RAI1: variants seen among roughly 807,000 people sequenced by gnomAD.
RAI1 encodes retinoic acid induced 1.
Under a neutral mutation model 123.8 loss-of-function variants are expected in RAI1, and 9 were observed. That is an observed-to-expected ratio of 0.07 (90% CI 0.04 to 0.13). The LOEUF is 0.13. Among genes scored for constraint, RAI1 ranks in the 10% least tolerant of loss-of-function variants. The pLI is 1.00. For missense variants in RAI1, 2,256 were observed against 2,545.8 expected (o/e 0.89, Z 2.45); for synonymous variants, 1,231 against 1,127.3 (o/e 1.09, Z -1.84).
chr17:17,749,379 C>T (rs1032309878), intron 2 of RAI1, among the ~76,000 whole-genome samples: 8 of 152,272 alleles, frequency 5.3e-5, no homozygotes, highest in African/African-American at 9.6e-5. Flanking sequence ...GCATCCTCCA[C>T]GCACTGCCTA....
At chr17:17,704,353 G>C (rs1000151503) in intron 1 of RAI1, among the ~76,000 whole-genome samples, 10 of 152,230 alleles carry the variant, frequency 6.6e-5, no homozygotes, top group African/African-American at 1.2e-4. Context: ...ATCATCTCCA[G>C]GGGTTCTAGC....
chr17:17,800,628 G>C lies in RAI1; in HGVS notation c.5565+2115G>C. On this transcript the variant is annotated intron_variant, in intron 3 of 5. Transcript: ENST00000353383. The surrounding 1 kb of genome is among the most constrained non-coding windows in gnomAD (Gnocchi z 4.7). The stretch of plus-strand genomic sequence containing the variant: ...GCTTCCCTACACCACGCGGGGGCTG[G>C]AACTTGCCAGCCCAGCCCATGCCTG... Among the ~76,000 whole-genome samples the C allele has an allele frequency of 6.6e-6, 1 of 152,228 alleles. No individual in the cohort carries two copies. Among genetic ancestry groups the C allele is most frequent in the South Asian group, 2.1e-4 (1 of 4,834 alleles).
At chr17:17,755,500 C>T (rs1340247936) in intron 2 of RAI1, among the ~76,000 whole-genome samples, 1 of 152,114 alleles carries the variant, frequency 6.6e-6, no homozygotes, top group Non-Finnish European at 1.5e-5. Context: ...GGGCAGGGGG[C>T]CTGGACATTG....
At chr17:17,689,531 T>C (rs548491443) in intron 1 of RAI1, among the ~76,000 whole-genome samples, 4 of 152,298 alleles carry the variant, frequency 2.6e-5, no homozygotes, top group African/African-American at 9.6e-5. Context: ...CCACAAACTC[T>C]CATTCATTCG....
At chr17:17,710,861 A>G (rs1406237408) in intron 1 of RAI1, among the ~76,000 whole-genome samples, 1 of 152,204 alleles carries the variant, frequency 6.6e-6, no homozygotes, top group East Asian at 1.9e-4. Flanking sequence ...CCAAGGTCAC[A>G]CAGCAAGTTC....
intron 2 of RAI1, among the ~76,000 whole-genome samples, chr17:17,747,790 C>T (rs1363881270): frequency 6.6e-6 from 1 of 152,138 alleles, no homozygotes; most frequent in Non-Finnish European, 1.5e-5. Context: ...TCTGGCTGGG[C>T]ACAGTGGTGC....
At chr17:17,792,830 C>A in intron 2 of RAI1, 103 bp from the exon 3 acceptor site, 1 of 981,054 alleles carries the variant, frequency 1.0e-6, no homozygotes. Flanking sequence ...CTTTCTGAGG[C>A]AAAAGGAAGT....
chr17:17,774,371 T>G (rs2031264192), intron 2 of RAI1, among the ~76,000 whole-genome samples: 1 of 152,256 alleles, frequency 6.6e-6, no homozygotes, highest in African/African-American at 2.4e-5. Context: ...GAGGCCCTGG[T>G]CTGGAAAAAG....
intron 2 of RAI1, among the ~76,000 whole-genome samples, chr17:17,784,652 C>T (rs775485867): frequency 1.2e-4 from 18 of 152,252 alleles, no homozygotes; most frequent in Admixed American, 5.9e-4. Context: ...AGAAGCAAGC[C>T]GGAGACCCCT....
chr17:17,797,203 T>C lies in RAI1; in HGVS notation c.4255T>C (p.Ser1419Pro). The change falls in exon 3 of 6, where the codon TCT (serine) becomes CCT (proline). Residue 1419 changes from serine to proline, a missense_variant. Ser to Pro is a moderately conservative substitution (Grantham distance 74). Transcript: ENST00000353383. ...KGKLMNSKKLSSTDCFKTEAF... is the reference protein window; with the variant it reads ...KGKLMNSKKLPSTDCFKTEAF... ...CAAACTCATGAACAGTAAGAAACTGTCTTCTACTGACTGTTTCAAAACCGA... is the reference window on the plus strand; with the variant it reads ...CAAACTCATGAACAGTAAGAAACTGCCTTCTACTGACTGTTTCAAAACCGA... 6.2e-7 allele frequency: 1 copy of C among 1,613,750 alleles called. No homozygotes were observed. Among genetic ancestry groups the C allele is most frequent in the East Asian group, 2.2e-5 (1 of 44,876 alleles).
chr17:17,723,661 C>A (rs1915964772), intron 1 of RAI1, among the ~76,000 whole-genome samples: 1 of 147,568 alleles, frequency 6.8e-6, no homozygotes, highest in Non-Finnish European at 1.5e-5. Flanking sequence ...CCGAGCTCAT[C>A]TCTCGCCCCC....
At chr17:17,713,442 C>G (rs905952417) in intron 1 of RAI1, among the ~76,000 whole-genome samples, 1 of 152,112 alleles carries the variant, frequency 6.6e-6, no homozygotes, top group Non-Finnish European at 1.5e-5. Flanking sequence ...GGGTTCGAGA[C>G]CAGCCTGGCC....
At chr17:17,725,929 C>T (rs140811240) in intron 2 of RAI1, among the ~76,000 whole-genome samples, 5 of 152,052 alleles carry the variant, frequency 3.3e-5, no homozygotes, top group African/African-American at 9.7e-5. Context: ...AAGAGTTAAC[C>T]CTCCCCCAGA....
intron 1 of RAI1, among the ~76,000 whole-genome samples, chr17:17,699,947 G>A (rs1915162759): frequency 6.6e-6 from 1 of 152,196 alleles, no homozygotes; most frequent in Non-Finnish European, 1.5e-5. Flanking sequence ...GACCTTGGGT[G>A]TCCCCCTCCA....
rs989718323 is a variant in RAI1 at position 17,810,096 on chromosome 17, A to T, written c.*115A>T. 1.4e-4 allele frequency: 190 copies of T among 1,368,606 alleles called. No individual in the cohort carries two copies. Among genetic ancestry groups the T allele is most frequent in the Admixed American group, 1.0e-3 (40 of 39,156 alleles). The allele number at this position is 1,368,606 out of a possible 1,614,324, so 84.8% of individuals were successfully genotyped here. ...TTTGAGCTGCTCCCAGCGCTGGTCC[A>T]GAGCCGATCCTTGATCCGGGTCCCG... On this transcript the variant is annotated 3_prime_UTR_variant, in exon 6 of 6. Coordinates refer to ENST00000353383, the MANE Select transcript of RAI1 (RefSeq NM_030665.4). The surrounding 1 kb of genome is among the most constrained non-coding windows in gnomAD (Gnocchi z 4.6).
At chr17:17,790,122 T>C (rs1373419545) in intron 2 of RAI1, among the ~76,000 whole-genome samples, 2 of 151,904 alleles carry the variant, frequency 1.3e-5, no homozygotes, top group African/African-American at 4.8e-5. Flanking sequence ...CCTCGCCTTC[T>C]GTGTCCTGTC....
At position 17,776,116 on chromosome 17, in the gene RAI1, T is replaced by A. The variant is rs560423044; in HGVS notation, c.-16-16817T>A. ...GGGAGGCTGATCCCTATCTTGCGCA[T>A]TGCAGGACGCAGGGGAGCTGACTCC... On this transcript the variant is annotated intron_variant, in intron 2 of 5. Coordinates refer to ENST00000353383, the MANE Select transcript of RAI1 (RefSeq NM_030665.4). Among the ~76,000 whole-genome samples, 6 of 152,268 alleles carry A rather than the reference T, an allele frequency of 3.9e-5. No homozygotes were observed. In the East Asian group the frequency reaches 7.7e-4, roughly 20 times the overall value.
chr17:17,682,093 G>A (rs1340721588), intron 1 of RAI1, among the ~76,000 whole-genome samples: 3 of 151,334 alleles, frequency 2.0e-5, no homozygotes, highest in African/African-American at 7.3e-5. Context: ...GGGGCGCGAG[G>A]GGCGAGTGTG....
intron 4 of RAI1, among the ~76,000 whole-genome samples, chr17:17,807,492 G>A (rs2032617512): frequency 6.6e-6 from 1 of 152,238 alleles, no homozygotes; most frequent in African/African-American, 2.4e-5. Context: ...TGAAGAGCAG[G>A]CAGAGGCTGC....
Sources: allele counts gnomAD v4.1 joint callset (sites outside exome capture counted in the v4.1 genomes callset), GRCh38; gene constraint gnomAD v4.1.1; non-coding constraint Gnocchi (gnomAD v3.1); transcripts MANE v1.5; gene names NCBI Gene and HGNC (gene_info 2026-07-23, HGNC 2026-07-21).